EPHB1: variants seen among roughly 807,000 people sequenced by gnomAD.
EPHB1 encodes the protein ephrin type-B receptor 1.
EPHB1 carries 30 observed loss-of-function variants against 94.4 expected under a neutral mutation model. That is an observed-to-expected ratio of 0.32 (90% CI 0.24 to 0.43). The LOEUF (loss-of-function observed/expected upper bound fraction) is 0.43, where lower values mean the gene tolerates loss of function less well. EPHB1 is among the 20% of genes least tolerant of loss of function. EPHB1 has a pLI of 1.00. For synonymous variants in EPHB1, 522 were observed against 489.1 expected (o/e 1.07, Z -0.89); for missense variants, 1,055 against 1,308.3 (o/e 0.81, Z 2.99).
rs576685926 is a variant in EPHB1 at position 135,257,573 on chromosome 3, G to A, written c.2847-1439G>A. 3.8e-4 allele frequency among the ~76,000 whole-genome samples: 57 copies of A among 150,720 alleles called. No individual in the cohort carries two copies. The South Asian group carries it at 9.0e-3, about 24-fold the overall frequency. On this transcript the variant is annotated intron_variant, in intron 15 of 15. Transcript: ENST00000398015. ...ACCCACCTGAGGAGGCAGTCTGCCC[G>A]TTCTCAGATCTCCAGCTGCGTGCTG... is the stretch of plus-strand genomic sequence containing the variant.
chr3:134,879,069 TA>T (rs771688011), intron 1 of EPHB1, among the ~76,000 whole-genome samples: 4 of 152,162 alleles, frequency 2.6e-5, no homozygotes, highest in Non-Finnish European at 4.4e-5. Flanking sequence ...TGGTGCACAG[TA>T]AAATCACTTT....
At chr3:134,797,220 T>C (rs2035847006) in intron 1 of EPHB1, among the ~76,000 whole-genome samples, 1 of 152,148 alleles carries the variant, frequency 6.6e-6, no homozygotes, top group Non-Finnish European at 1.5e-5. Context: ...AAGGAGGGGT[T>C]TGCTTTTTGG....
At chr3:135,219,826 G>A (rs185051326) in intron 12 of EPHB1, among the ~76,000 whole-genome samples, 18 of 152,274 alleles carry the variant, frequency 1.2e-4, no homozygotes, top group Middle Eastern at 3.4e-3. Context: ...TACAGAAATT[G>A]ATAAGGAAGG....
intron 3 of EPHB1, among the ~76,000 whole-genome samples, chr3:134,968,460 T>G (rs1295601375): frequency 6.6e-6 from 1 of 152,212 alleles, no homozygotes; most frequent in Non-Finnish European, 1.5e-5. Context: ...TCCCTGAAGA[T>G]AGTGGAAACC....
chr3:135,037,559 G>C (rs1434558576), intron 3 of EPHB1, among the ~76,000 whole-genome samples: 1 of 152,210 alleles, frequency 6.6e-6, no homozygotes, highest in African/African-American at 2.4e-5. Flanking sequence ...GGGGTCCAGA[G>C]AGTTTAGGTG....
At chr3:135,145,935 G>T (rs931515837) in intron 5 of EPHB1, among the ~76,000 whole-genome samples, 6 of 152,210 alleles carry the variant, frequency 3.9e-5, no homozygotes, top group Non-Finnish European at 7.3e-5. Flanking sequence ...AGAAGAGCCC[G>T]CAATCATTGC....
intron 1 of EPHB1, among the ~76,000 whole-genome samples, chr3:134,914,230 G>A (rs531018129): frequency 3.3e-5 from 5 of 152,316 alleles, no homozygotes; most frequent in Non-Finnish European, 7.3e-5. Context: ...ACTTGGGTTT[G>A]TGAGAGGTTC....
At chr3:135,124,995 A>C (rs554304956) in intron 4 of EPHB1, among the ~76,000 whole-genome samples, 1 of 151,654 alleles carries the variant, frequency 6.6e-6, no homozygotes, top group South Asian at 2.1e-4. Context: ...TTCAGACACC[A>C]CTTATTCCAT....
chr3:134,913,528 C>T (rs1404092456), intron 1 of EPHB1, among the ~76,000 whole-genome samples: 1 of 152,194 alleles, frequency 6.6e-6, no homozygotes, highest in Admixed American at 6.5e-5. Flanking sequence ...TTTCTCACCC[C>T]CTTCCCAAGT....
At chr3:135,042,883 C>T (rs1936895598) in intron 3 of EPHB1, among the ~76,000 whole-genome samples, 1 of 151,868 alleles carries the variant, frequency 6.6e-6, no homozygotes, top group Admixed American at 6.6e-5. Flanking sequence ...CGTCTGTCGC[C>T]CAGGCTGGAG....
At chr3:134,950,496 G>C (rs1408912410) in intron 2 of EPHB1, among the ~76,000 whole-genome samples, 1 of 152,224 alleles carries the variant, frequency 6.6e-6, no homozygotes. Flanking sequence ...CTTGTTCATA[G>C]TTCTGCAGGC....
intron 12 of EPHB1, among the ~76,000 whole-genome samples, chr3:135,235,184 C>A (rs1943621512): frequency 6.6e-6 from 1 of 152,174 alleles, no homozygotes; most frequent in African/African-American, 2.4e-5. Flanking sequence ...TACATGTAGT[C>A]ATTAGTCAAA....
chr3:134,809,643 T>G (rs190973097), intron 1 of EPHB1, among the ~76,000 whole-genome samples: 14 of 152,320 alleles, frequency 9.2e-5, no homozygotes, highest in Non-Finnish European at 1.9e-4. Flanking sequence ...TCGCCCTCTT[T>G]TATGGTGCCT....
At chr3:135,189,675 C>G (rs1942409625) in intron 10 of EPHB1, among the ~76,000 whole-genome samples, 1 of 152,224 alleles carries the variant, frequency 6.6e-6, no homozygotes, top group Admixed American at 6.5e-5. Flanking sequence ...TAAGTCTCTT[C>G]AGGTGATTCC....
At chr3:135,049,273 A>T (rs930722642) in intron 3 of EPHB1, among the ~76,000 whole-genome samples, 3 of 152,256 alleles carry the variant, frequency 2.0e-5, no homozygotes, top group Non-Finnish European at 4.4e-5. Flanking sequence ...CGCATTGGCT[A>T]AAAACAACGT....
intron 3 of EPHB1, among the ~76,000 whole-genome samples, chr3:135,076,783 C>T (rs1280015444): frequency 1.3e-5 from 2 of 152,194 alleles, no homozygotes; most frequent in African/African-American, 2.4e-5. Context: ...GAAATACTGA[C>T]ACACATTACA....
At chr3:135,123,584 C>T (rs1213793947) in intron 4 of EPHB1, among the ~76,000 whole-genome samples, 1 of 152,096 alleles carries the variant, frequency 6.6e-6, no homozygotes, top group African/African-American at 2.4e-5. Flanking sequence ...AAGGCAAGCA[C>T]CATGCCCAGC....
intron 2 of EPHB1, among the ~76,000 whole-genome samples, chr3:134,936,956 C>G (rs1418605672): frequency 6.6e-6 from 1 of 152,148 alleles, no homozygotes; most frequent in Non-Finnish European, 1.5e-5. Context: ...CAGGGAAGGC[C>G]AGACTGATGT....
At chr3:134,843,912 T>TTGCTTTCTTTCTTGAGTATGAATTA (rs1214496461) in intron 1 of EPHB1, among the ~76,000 whole-genome samples, 57 of 152,310 alleles carry the variant, frequency 3.7e-4, no homozygotes, top group African/African-American at 1.3e-3. Context: ...TTTCTATTGA[T>TTGCTTTCTTTCTTGAGTATGAATTA]TGCTTTCTTT....
Sources: gnomAD v4.1 joint callset for allele counts (sites outside exome capture counted in the v4.1 genomes callset) on GRCh38, gnomAD v4.1.1 for gene constraint, MANE v1.5 for transcripts, NCBI Gene and HGNC (gene_info 2026-07-23, HGNC 2026-07-21) for gene names.